Variants in FSD1 observed in about 807,000 individuals in gnomAD.
The protein encoded by FSD1 is fibronectin type III and SPRY domain containing 1.
FSD1 carries 23 observed loss-of-function variants against 58.2 expected under a neutral mutation model. The observed-to-expected ratio is 0.40, with a 90% confidence interval of 0.28 to 0.56. The LOEUF (loss-of-function observed/expected upper bound fraction) is 0.56, where lower values mean the gene tolerates loss of function less well. Ranked by LOEUF, FSD1 falls within the 20% of genes least tolerant of loss-of-function variation. FSD1 has a pLI of 0.54. For synonymous variants in FSD1, 265 were observed against 263.4 expected (o/e 1.01, Z -0.06); for missense variants, 563 against 670.8 (o/e 0.84, Z 1.78).
chr19:4,318,889 A>C lies in FSD1; in HGVS notation c.977A>C (p.Lys326Thr). ...CACCACAGAGGTACTCCATCTCCCAAGAGGATGCCCTCAGGTCGTGGGGGA... is the reference window on the plus strand; with the variant it reads ...CACCACAGAGGTACTCCATCTCCCACGAGGATGCCCTCAGGTCGTGGGGGA... ...NSPARGTPSP[K>T]RMPSGRGGRD... Residue 326 changes from lysine (K) to threonine (T), a missense_variant, in exon 10 of 13, where the codon AAG (lysine) becomes ACG (threonine). Lys to Thr is a moderately conservative substitution (Grantham distance 78). Coordinates refer to ENST00000221856, the MANE Select transcript of FSD1 (RefSeq NM_024333.3). 1 of 1,613,740 alleles carries C rather than the reference A, an allele frequency of 6.2e-7. No homozygotes were observed. The highest frequency in any genetic ancestry group is 8.5e-7 in the Non-Finnish European group (1 of 1,179,960).
At chr19:4,304,889 C>T in intron 1 of FSD1, 128 bp downstream of exon 1, 2 of 448,778 alleles carry the variant, frequency 4.5e-6, no homozygotes, top group Non-Finnish European at 7.2e-6. Flanking sequence ...AGGCCCCACC[C>T]CATTCGCGAC....
At chr19:4,313,183 A>T (rs1006447608) in intron 7 of FSD1, among the ~76,000 whole-genome samples, 15 of 140,142 alleles carry the variant, frequency 1.1e-4, no homozygotes, top group African/African-American at 3.1e-4. Context: ...GCCCATCTAT[A>T]AAAAAAAAAA....
At chr19:4,316,253 G>T (rs973765763) in intron 7 of FSD1, among the ~76,000 whole-genome samples, 1 of 152,022 alleles carries the variant, frequency 6.6e-6, no homozygotes, top group African/African-American at 2.4e-5. Flanking sequence ...TCAGAGTTTC[G>T]CTCTGTCACC....
At chr19:4,312,414 C>A (rs914560218) in intron 7 of FSD1, among the ~76,000 whole-genome samples, 2 of 151,096 alleles carry the variant, frequency 1.3e-5, no homozygotes, top group Non-Finnish European at 3.0e-5. Flanking sequence ...TTGCTTGAAC[C>A]CGGAAGGTGG....
intron 6 of FSD1, 91 bp from the exon 7 acceptor site, chr19:4,311,751 C>A: frequency 8.3e-7 from 1 of 1,203,640 alleles, no homozygotes; most frequent in Non-Finnish European, 1.2e-6. Context: ...CCAAAATTGT[C>A]CAACATGTGG....
Position 4,323,503 on chromosome 19 carries a change from C to CGGCGG in FSD1, c.1381-30_1381-29insGGCGG. 1.2e-6 allele frequency: 1 copy of CGGCGG among 857,150 alleles called. No individual in the cohort carries two copies. The highest frequency in any genetic ancestry group is 2.0e-6 in the Non-Finnish European group (1 of 494,148). The allele number at this position is 857,150 out of a possible 1,614,324, so 53.1% of individuals were successfully genotyped here. On this transcript the variant is annotated intron_variant, in intron 12 of 12. Transcript: ENST00000221856. This position sits in a 1 kb window ranked among gnomAD's most constrained non-coding sequence, Gnocchi z 7.7. The stretch of plus-strand genomic sequence containing the variant: ...CTGGGCGCTGGGGTTTGAAGCTGAG[C>CGGCGG]CCCTCCCCCCTCCCCCCGCTGTCCC...
At chr19:4,312,671 G>A (rs892713240) in intron 7 of FSD1, among the ~76,000 whole-genome samples, 2 of 150,856 alleles carry the variant, frequency 1.3e-5, no homozygotes, top group African/African-American at 2.4e-5. Context: ...CGGGCGTGGC[G>A]GTGTGCACCT....
chr19:4,320,719 C>T (rs1183185100), intron 10 of FSD1, among the ~76,000 whole-genome samples: 2 of 150,084 alleles, frequency 1.3e-5, no homozygotes, highest in African/African-American at 2.5e-5. Flanking sequence ...ATAGCTGCAG[C>T]CTGAGGAGTA....
At chr19:4,310,244 T>A (rs1956848403) in intron 4 of FSD1, 29 bp from the exon 5 acceptor site, 3 of 1,613,860 alleles carry the variant, frequency 1.9e-6, no homozygotes, top group Middle Eastern at 1.6e-4. Context: ...AAAAGAAATC[T>A]TTGAATGTTG....
At chr19:4,322,129 T>G (rs1348636228) in intron 10 of FSD1, among the ~76,000 whole-genome samples, 2 of 146,606 alleles carry the variant, frequency 1.4e-5, no homozygotes, top group African/African-American at 5.1e-5. Flanking sequence ...GGGGAATAGC[T>G]GGGTCCCCAA....
chr19:4,319,030 C>T, intron 10 of FSD1, 79 bp downstream of exon 10: 7 of 1,170,636 alleles, frequency 6.0e-6, no homozygotes, highest in Non-Finnish European at 8.9e-6. Context: ...GAACCTTTGC[C>T]TTTGGCTGCG....
chr19:4,314,488 C>CTT (rs1198326761), intron 7 of FSD1, among the ~76,000 whole-genome samples: 3 of 137,858 alleles, frequency 2.2e-5, no homozygotes, highest in Admixed American at 7.5e-5. Context: ...CACATTCTAC[C>CTT]TTTTTTTTTT....
chr19:4,316,875 T>C (rs965114789), intron 7 of FSD1, among the ~76,000 whole-genome samples: 1 of 152,132 alleles, frequency 6.6e-6, no homozygotes, highest in Non-Finnish European at 1.5e-5. Flanking sequence ...CTCAGCCTCC[T>C]GAGTAGCTGG....
At chr19:4,313,753 G>A (rs1364538534) in intron 7 of FSD1, among the ~76,000 whole-genome samples, 12 of 151,052 alleles carry the variant, frequency 7.9e-5, no homozygotes, top group Non-Finnish European at 1.2e-4. Flanking sequence ...CTGGCCAGGC[G>A]TGGTGGCTCA....
In FSD1 at chr19:4,307,824, C is replaced by A. The variant is rs939424147; in HGVS notation, c.244-58C>A. The A allele has an allele frequency of 1.0e-5, 14 of 1,354,880 alleles. No individual in the cohort carries two copies. In the African/African-American group the frequency reaches 1.9e-4, roughly 18 times the overall value. The allele number at this position is 1,354,880 out of a possible 1,614,324, so 83.9% of individuals were successfully genotyped here. On this transcript the variant is annotated intron_variant, in intron 3 of 12. Coordinates refer to ENST00000221856, the MANE Select transcript of FSD1 (RefSeq NM_024333.3). ...GATTCTGAATGGGGTGGGGAGCCCT[C>A]AGGGGGCCTGAGGCAGTGGGGTGAG...
intron 10 of FSD1, among the ~76,000 whole-genome samples, chr19:4,320,986 T>TGGGACTGAGGAGTATCTGGGGGAAACAGC: frequency 1.1e-5 from 1 of 92,344 alleles, no homozygotes; most frequent in East Asian, 3.6e-4. Flanking sequence ...GGGGAAATAG[T>TGGGACTGAGGAGTATCTGGGGGAAACAGC]TGGGACTGAG....
At position 4,306,360 on chromosome 19, in the gene FSD1, C is replaced by CG. The variant is rs780658947; in HGVS notation, c.243+32dup. The CG allele has an allele frequency of 9.9e-6, 16 of 1,611,208 alleles. No individual in the cohort carries two copies. The Admixed American group carries it at 2.7e-4, about 27-fold the overall frequency. ...GGCTGAGGGCATCTTCCTCTCCCCC[C>CG]GCCCCTCCTACTCAACAGAACGTAG... On this transcript the variant is annotated intron_variant, in intron 3 of 12. Transcript: ENST00000221856.
intron 7 of FSD1, among the ~76,000 whole-genome samples, chr19:4,315,291 C>T (rs930859880): frequency 6.7e-6 from 1 of 148,914 alleles, no homozygotes; most frequent in African/African-American, 2.5e-5. Context: ...TGCGCCCCAA[C>T]GCCTGGTTAA....
chr19:4,310,656 G>A lies in FSD1; in HGVS notation c.490+60G>A, dbSNP rs773076841. The A allele has an allele frequency of 9.5e-6, 15 of 1,571,618 alleles. 1 individual carries two copies. The highest frequency in any genetic ancestry group is 1.9e-4 in the Middle Eastern group (1 of 5,288). On this transcript the variant is annotated intron_variant, in intron 6 of 12. Transcript: ENST00000221856. ...CGGGGAATGACCTGGGAGGCTAGGA[G>A]GCCCTGAAACAGGACCTGGAGTATG...
Sources: gnomAD v4.1 joint callset for allele counts (sites outside exome capture counted in the v4.1 genomes callset) on GRCh38, gnomAD v4.1.1 for gene constraint, Gnocchi (gnomAD v3.1) non-coding constraint, MANE v1.5 for transcripts, NCBI Gene and HGNC (gene_info 2026-07-23, HGNC 2026-07-21) for gene names.